Variants in BMAL2 observed in about 807,000 individuals in gnomAD.
The protein encoded by BMAL2 is basic helix-loop-helix ARNT-like protein 2.
the BMAL2 span, chr12:27,376,267 AT>A: frequency 4.7e-6 from 6 of 1,281,754 alleles, no homozygotes; most frequent in South Asian, 7.6e-5. Context: ...ATTGGACTTA[AT>A]CTCACATCTA....
the BMAL2 span, among the ~76,000 whole-genome samples, chr12:27,403,717 A>T: frequency 4.6e-5 from 7 of 152,208 alleles, no homozygotes; most frequent in African/African-American, 1.7e-4. Context: ...TATTCATACC[A>T]ACATGAAAAA....
chr12:27,421,417 C>G, the BMAL2 span: 1 of 152,048 alleles, frequency 6.6e-6, no homozygotes, highest in African/African-American at 2.4e-5. Context: ...GGCACTCACT[C>G]TTGAGGTAAC....
the BMAL2 span, among the ~76,000 whole-genome samples, chr12:27,397,740 A>G: frequency 6.9e-3 from 1,053 of 152,382 alleles, 11 homozygotes; most frequent in African/African-American, 0.024. Flanking sequence ...TTACTCAGGT[A>G]TCTGAAGTTG....
chr12:27,359,442 A>G, the BMAL2 span, among the ~76,000 whole-genome samples: 1 of 152,302 alleles, frequency 6.6e-6, no homozygotes, highest in Admixed American at 6.5e-5. Context: ...TATTCCCAGC[A>G]CTTTGGGAGG....
the BMAL2 span, chr12:27,368,171 A>G: frequency 6.9e-7 from 1 of 1,454,986 alleles, no homozygotes; most frequent in African/African-American, 1.5e-5. Context: ...ATATCAAGAT[A>G]GAAAAGTCAT....
At chr12:27,419,836 T>G in the BMAL2 span, among the ~76,000 whole-genome samples, 2 of 152,196 alleles carry the variant, frequency 1.3e-5, no homozygotes, top group African/African-American at 4.8e-5. Flanking sequence ...ATCTCTAAAT[T>G]AATTATCATC....
chr12:27,360,218 A>G, the BMAL2 span, among the ~76,000 whole-genome samples: 1 of 152,176 alleles, frequency 6.6e-6, no homozygotes, highest in Admixed American at 6.6e-5. Flanking sequence ...AGGACATTCT[A>G]GAAAATAACT....
At chr12:27,414,424 A>G in the BMAL2 span, among the ~76,000 whole-genome samples, 2 of 152,222 alleles carry the variant, frequency 1.3e-5, no homozygotes, top group South Asian at 2.1e-4. Flanking sequence ...GTCTTAAAAA[A>G]TTTAAGAGCA....
the BMAL2 span, among the ~76,000 whole-genome samples, chr12:27,378,367 T>C: frequency 6.6e-6 from 1 of 152,188 alleles, no homozygotes; most frequent in African/African-American, 2.4e-5. Context: ...TGATTAATCA[T>C]GTAGTAGTCA....
the BMAL2 span, among the ~76,000 whole-genome samples, chr12:27,417,916 C>G: frequency 6.6e-6 from 1 of 152,000 alleles, no homozygotes; most frequent in African/African-American, 2.4e-5. Flanking sequence ...TTGCCTGAAC[C>G]CAGGAGGTGG....
the BMAL2 span, among the ~76,000 whole-genome samples, chr12:27,352,536 A>G: frequency 1.3e-5 from 2 of 150,816 alleles, no homozygotes; most frequent in Non-Finnish European, 2.9e-5. Flanking sequence ...CACCACTCCT[A>G]TTCAACATAA....
the BMAL2 span, chr12:27,402,653 C>T: frequency 5.6e-6 from 9 of 1,612,136 alleles, no homozygotes; most frequent in South Asian, 8.8e-5. Flanking sequence ...ATCATTTTTA[C>T]CTTGTAGCTC....
At chr12:27,380,979 GA>G in the BMAL2 span, among the ~76,000 whole-genome samples, 21 of 146,264 alleles carry the variant, frequency 1.4e-4, no homozygotes, top group South Asian at 2.2e-4. Flanking sequence ...GCCTGTCTCA[GA>G]AAAAAAAAAA....
At chr12:27,377,320 A>G in the BMAL2 span, 1 of 152,204 alleles carries the variant, frequency 6.6e-6, no homozygotes, top group Non-Finnish European at 1.5e-5. Flanking sequence ...AGCTCTTTCA[A>G]GTAAAGTACT....
At chr12:27,394,932 G>A in the BMAL2 span, among the ~76,000 whole-genome samples, 3 of 152,232 alleles carry the variant, frequency 2.0e-5, no homozygotes, top group African/African-American at 7.2e-5. Flanking sequence ...AAGCCAGAAA[G>A]ACAGCCCTCA....
the BMAL2 span, among the ~76,000 whole-genome samples, chr12:27,406,903 C>T: frequency 2.0e-5 from 3 of 151,948 alleles, no homozygotes; most frequent in Non-Finnish European, 4.4e-5. Context: ...GGAAGATCTA[C>T]CAAGCAAATG....
the BMAL2 span, among the ~76,000 whole-genome samples, chr12:27,403,177 T>C: frequency 6.6e-6 from 1 of 152,196 alleles, no homozygotes; most frequent in Admixed American, 6.5e-5. Flanking sequence ...TTAGGAAACA[T>C]TGAAGTAGTA....
At chr12:27,410,293 C>T in the BMAL2 span, among the ~76,000 whole-genome samples, 1 of 152,166 alleles carries the variant, frequency 6.6e-6, no homozygotes, top group African/African-American at 2.4e-5. Context: ...GACACATACA[C>T]ACGTATGTTT....
At chr12:27,410,260 A>C in the BMAL2 span, among the ~76,000 whole-genome samples, 17 of 152,232 alleles carry the variant, frequency 1.1e-4, no homozygotes, top group Admixed American at 1.1e-3. Flanking sequence ...TACCCGAAGG[A>C]TTATAAATTA....
Sources: allele counts gnomAD v4.1 joint callset (sites outside exome capture counted in the v4.1 genomes callset), GRCh38; gene constraint gnomAD v4.1.1; transcripts MANE v1.5; gene names NCBI Gene and HGNC (gene_info 2026-07-23, HGNC 2026-07-21).